LIMK2: variants seen among roughly 807,000 people sequenced by gnomAD.
LIMK2 encodes LIM domain kinase 2.
In LIMK2, 35 loss-of-function variants were observed where a neutral mutation model predicts 75.7. The observed-to-expected ratio is 0.46, with a 90% CI of 0.35 to 0.61. The LOEUF is 0.61. LIMK2 is among the 20% of genes least tolerant of loss of function. The pLI is 0.00. For synonymous variants in LIMK2, 301 were observed against 319.2 expected (o/e 0.94, Z 0.61); for missense variants, 623 against 831.0 (o/e 0.75, Z 3.08).
intron 1 of LIMK2, 33 bp from the exon 2 acceptor site, chr22:31,225,687 T>A (rs1255807439): frequency 6.5e-7 from 1 of 1,547,248 alleles, no homozygotes; most frequent in East Asian, 2.3e-5. Context: ...TCCTGCTACT[T>A]TGGGCCTCTC....
intron 2 of LIMK2, chr22:31,230,056 C>CTTTTTTTTTTTT (rs33933239): frequency 9.1e-5 from 11 of 120,816 alleles, no homozygotes; most frequent in African/African-American, 1.2e-4. Context: ...TTCTTTCTTT[C>CTTTTTTTTTTTT]TTTTTTTTTT....
At chr22:31,258,682 A>T in intron 3 of LIMK2, 1 of 479,068 alleles carries the variant, frequency 2.1e-6, no homozygotes, top group Non-Finnish European at 3.8e-6. Flanking sequence ...ATATAGTTGG[A>T]TAAGGACCTC....
intron 2 of LIMK2, among the ~76,000 whole-genome samples, chr22:31,253,037 A>C (rs998340342): frequency 6.6e-6 from 1 of 152,206 alleles, no homozygotes; most frequent in Non-Finnish European, 1.5e-5. Context: ...TCAGGGTTCC[A>C]TGCACTTTGT....
chr22:31,216,590 A>G (rs1269950435), intron 1 of LIMK2, among the ~76,000 whole-genome samples: 1 of 152,202 alleles, frequency 6.6e-6, no homozygotes, highest in East Asian at 1.9e-4. Flanking sequence ...ACCAACCAAT[A>G]AAAGATGCCT....
intron 2 of LIMK2, among the ~76,000 whole-genome samples, chr22:31,255,959 A>T: frequency 1.0e-5 from 1 of 97,888 alleles, no homozygotes; most frequent in African/African-American, 4.0e-5. Flanking sequence ...ACACATACTG[A>T]GTTTCTACTA....
chr22:31,241,937 A>G (rs1339034996), intron 2 of LIMK2, among the ~76,000 whole-genome samples: 3 of 152,168 alleles, frequency 2.0e-5, no homozygotes, highest in African/African-American at 7.2e-5. Context: ...GCTGCTGGGA[A>G]GGGCAGCACT....
In LIMK2 at chr22:31,271,140, A is replaced by C; in HGVS notation, c.1322A>C (p.Tyr441Ser). The change falls in exon 12 of 16, where the codon TAT becomes TCT. Residue 441 changes from tyrosine to serine, a missense_variant. Transcript: ENST00000331728. ...CAGCTCATGCTTCTGTTCCAGGCCT[A>C]TTTGCACTCTATGTGCATCATCCAC... ...FAKGIASGMA[Y>S]LHSMCIIHRD... is the part of the protein sequence containing the mutation. The C allele has an allele frequency of 6.2e-7, 1 of 1,613,822 alleles. No homozygotes were observed. The highest frequency in any genetic ancestry group is 8.5e-7 in the Non-Finnish European group (1 of 1,179,792).
In LIMK2 at chr22:31,278,587, A is replaced by T. The variant is rs1350020071; in HGVS notation, c.*146A>T. 4 of 779,318 alleles carry T rather than the reference A, an allele frequency of 5.1e-6. No homozygotes were observed. Among genetic ancestry groups the T allele is most frequent in the Admixed American group, 3.4e-5 (1 of 29,686 alleles). The allele number at this position is 779,318 out of a possible 1,614,324, so 48.3% of individuals were successfully genotyped here. A position where few individuals can be genotyped will look rare whatever the true frequency, so the allele number is the denominator to read the frequency against. Reference sequence around the variant, plus strand: ...AACAAGCCATTCCTATTACCTCCCCAGGAGGCAAGTGGGCGCAGCACCAGG... The same window carrying T: ...AACAAGCCATTCCTATTACCTCCCCTGGAGGCAAGTGGGCGCAGCACCAGG... On this transcript the variant is annotated 3_prime_UTR_variant, in exon 16 of 16. Coordinates refer to ENST00000331728, the MANE Select transcript of LIMK2 (RefSeq NM_005569.4).
chr22:31,212,709 C>G (rs2048357972), intron 1 of LIMK2, among the ~76,000 whole-genome samples: 1 of 152,090 alleles, frequency 6.6e-6, no homozygotes, highest in South Asian at 2.1e-4. Context: ...GGAAGAGATT[C>G]TGGGTCTGCC....
chr22:31,261,545 C>CAAAAA (rs574806431), intron 5 of LIMK2, among the ~76,000 whole-genome samples: 2 of 126,370 alleles, frequency 1.6e-5, no homozygotes, highest in African/African-American at 5.8e-5. Flanking sequence ...GACTCCATCT[C>CAAAAA]AAAAAAAAAA....
chr22:31,244,914 C>T (rs2048654370), intron 2 of LIMK2, among the ~76,000 whole-genome samples: 2 of 152,168 alleles, frequency 1.3e-5, no homozygotes, highest in African/African-American at 4.8e-5. Context: ...GGGTTCAAAT[C>T]CTGGCTTCAC....
chr22:31,251,029 G>C (rs142671654), intron 2 of LIMK2, among the ~76,000 whole-genome samples: 27 of 152,258 alleles, frequency 1.8e-4, no homozygotes, highest in African/African-American at 6.0e-4. Context: ...TACAACTTCT[G>C]TGTCCCATAC....
chr22:31,272,606 A>T lies in LIMK2; in HGVS notation c.1460A>T (p.Lys487Met), dbSNP rs1481237772. ...VEERKRAPME[K>M]ATTKKRTLRK... ...GAGAGGAAAAGGGCCCCCATGGAGA[A>T]GGCCACCACCAAGAAACGCACCTTG... Residue 487 changes from lysine (K) to methionine (M), a missense_variant, in exon 13 of 16, where the codon AAG becomes ATG. This residue lies in a region of LIMK2 where 514 missense variants were observed against 661.3 expected (regional missense o/e 0.78). Coordinates refer to ENST00000331728, the MANE Select transcript of LIMK2 (RefSeq NM_005569.4). 6.2e-7 allele frequency: 1 copy of T among 1,613,906 alleles called. No individual in the cohort carries two copies.
intron 2 of LIMK2, among the ~76,000 whole-genome samples, chr22:31,226,253 A>T (rs1014557685): frequency 5.1e-4 from 77 of 149,596 alleles, no homozygotes; most frequent in African/African-American, 1.9e-3. Flanking sequence ...CCCAGGCTGG[A>T]GTGCAGTGGT....
intron 1 of LIMK2, among the ~76,000 whole-genome samples, chr22:31,220,183 G>A (rs9621221): frequency 0.38 from 58,398 of 152,096 alleles, 12,982 homozygotes; most frequent in Middle Eastern, 0.56. Context: ...GGGTCTGGGC[G>A]TAGGAGGCTG....
Position 31,277,803 on chromosome 22 carries a change from T to C in LIMK2, c.1773-494T>C, listed in dbSNP as rs543266426. ...ATATTGAATATTAGAATGTGGCAGATGCTATGGAAAAAGAGTCAAGACAAG... is the reference window on the plus strand; with the variant it reads ...ATATTGAATATTAGAATGTGGCAGACGCTATGGAAAAAGAGTCAAGACAAG... On this transcript the variant is annotated intron_variant, in intron 15 of 15. Transcript: ENST00000331728. 6.4e-4 allele frequency among the ~76,000 whole-genome samples: 97 copies of C among 152,162 alleles called. 3 individuals carry two copies. The South Asian group carries it at 0.02, about 31-fold the overall frequency.
intron 1 of LIMK2, 76 bp downstream of exon 1, chr22:31,212,500 T>C (rs1601390399): frequency 2.3e-6 from 3 of 1,296,464 alleles, no homozygotes; most frequent in South Asian, 3.2e-5. Context: ...GGAAACCGGC[T>C]GTCTCTCGGG....
chr22:31,235,145 T>C (rs1743881760), intron 2 of LIMK2, among the ~76,000 whole-genome samples: 1 of 152,184 alleles, frequency 6.6e-6, no homozygotes, highest in Admixed American at 6.5e-5. Flanking sequence ...TGTGGGGTTT[T>C]TGCCCCTCAT....
chr22:31,234,894 A>G (rs1262708658), intron 2 of LIMK2, among the ~76,000 whole-genome samples: 1 of 151,996 alleles, frequency 6.6e-6, no homozygotes, highest in Non-Finnish European at 1.5e-5. Context: ...CTCTGCCTAG[A>G]ATGCCCCCTT....
Sources: allele counts gnomAD v4.1 joint callset (sites outside exome capture counted in the v4.1 genomes callset), GRCh38; gene constraint gnomAD v4.1.1; regional missense constraint gnomAD v4.1.1; transcripts MANE v1.5; gene names NCBI Gene and HGNC (gene_info 2026-07-23, HGNC 2026-07-21).